CPN1: variants seen among roughly 807,000 people sequenced by gnomAD.
CPN1 encodes carboxypeptidase N catalytic chain.
In CPN1, 37 loss-of-function variants were observed where a neutral mutation model predicts 46.4. The observed-to-expected ratio is 0.80, with a 90% CI of 0.61 to 1.05. The LOEUF (loss-of-function observed/expected upper bound fraction) is 1.05, where lower values mean the gene tolerates loss of function less well. Among genes scored for constraint, CPN1 ranks in the 50% least tolerant of loss-of-function variants. CPN1 has a pLI of 0.00. For missense variants in CPN1, 563 were observed against 602.6 expected (o/e 0.93, Z 0.69); for synonymous variants, 224 against 235.4 (o/e 0.95, Z 0.44).
At chr10:100,055,351 C>CA (rs974514670) in intron 6 of CPN1, among the ~76,000 whole-genome samples, 1 of 147,290 alleles carries the variant, frequency 6.8e-6, no homozygotes, top group African/African-American at 2.5e-5. Flanking sequence ...CTCCATTATC[C>CA]CCCCCCCCAG....
Position 100,042,282 on chromosome 10 carries a change from C to T in CPN1, c.*145G>A. On this transcript the variant is annotated 3_prime_UTR_variant, in exon 9 of 9. Transcript: ENST00000370418. ...TCATGATGACCTAGAGATGGCTTAC[C>T]CCTGGAACAGATGGAGACCATTCTG... is the stretch of plus-strand genomic sequence containing the variant. 1 of 1,140,046 alleles carries T rather than the reference C, an allele frequency of 8.8e-7. No homozygotes were observed. The highest frequency in any genetic ancestry group is 2.4e-5 in the East Asian group (1 of 41,666). The allele number at this position is 1,140,046 out of a possible 1,614,324, so 70.6% of individuals were successfully genotyped here.
At chr10:100,062,870 G>A (rs2041429033) in intron 5 of CPN1, among the ~76,000 whole-genome samples, 3 of 151,728 alleles carry the variant, frequency 2.0e-5, no homozygotes, top group Admixed American at 2.0e-4. Flanking sequence ...CAAGGTGCTG[G>A]GATTATAGGC....
At chr10:100,067,171 A>G (rs1244190753) in intron 3 of CPN1, among the ~76,000 whole-genome samples, 1 of 152,102 alleles carries the variant, frequency 6.6e-6, no homozygotes, top group East Asian at 1.9e-4. Flanking sequence ...TGTCGCCCAG[A>G]CTAGAGTGCA....
intron 1 of CPN1, 82 bp from the exon 2 acceptor site, chr10:100,076,189 C>G: frequency 1.5e-6 from 2 of 1,343,020 alleles, no homozygotes; most frequent in Non-Finnish European, 2.1e-6. Context: ...TTCTCTTTTT[C>G]AGTAACGAAT....
intron 6 of CPN1, 108 bp from the exon 7 acceptor site, chr10:100,054,554 A>G: frequency 1.1e-6 from 1 of 881,878 alleles, no homozygotes; most frequent in South Asian, 1.4e-5. Flanking sequence ...TATCTTCACA[A>G]AGATGATGGT....
rs74152941 is a variant in CPN1 at position 100,050,630 on chromosome 10, T to C, written c.1112-1754A>G. On this transcript the variant is annotated intron_variant, in intron 7 of 8. Coordinates refer to ENST00000370418, the MANE Select transcript of CPN1 (RefSeq NM_001308.3). ...AGTAAAGATACGATTTTGAGAGTCC[T>C]ATCTCTTTTTTTGAGATAGGGTCTC... Among the ~76,000 whole-genome samples the C allele has an allele frequency of 9.1e-3, 1,381 of 152,240 alleles. 24 individuals carry two copies. The highest frequency in any genetic ancestry group is 0.032 in the African/African-American group (1,330 of 41,524).
chr10:100,073,664 G>A (rs1465509237), intron 2 of CPN1, among the ~76,000 whole-genome samples: 1 of 144,258 alleles, frequency 6.9e-6, no homozygotes, highest in East Asian at 2.0e-4. Flanking sequence ...TGCCCAGGCT[G>A]GAGTGCAATG....
chr10:100,081,238 G>A (rs1480474711), intron 1 of CPN1, among the ~76,000 whole-genome samples, 165 bp downstream of exon 1: 1 of 152,212 alleles, frequency 6.6e-6, no homozygotes, highest in Non-Finnish European at 1.5e-5. Flanking sequence ...GCTCCCCAGA[G>A]GCAGTGGCAG....
intron 3 of CPN1, among the ~76,000 whole-genome samples, chr10:100,067,277 T>C (rs1356204525): frequency 6.6e-6 from 1 of 152,058 alleles, no homozygotes; most frequent in Non-Finnish European, 1.5e-5. Flanking sequence ...CCACCACAGC[T>C]GGCTAATTTT....
At chr10:100,070,503 T>G (rs1248561002) in intron 2 of CPN1, among the ~76,000 whole-genome samples, 1 of 151,974 alleles carries the variant, frequency 6.6e-6, no homozygotes, top group Non-Finnish European at 1.5e-5. Flanking sequence ...CCAAACAAAG[T>G]GCTGAGATTA....
chr10:100,057,897 C>T (rs2041394449), intron 5 of CPN1, among the ~76,000 whole-genome samples: 1 of 152,144 alleles, frequency 6.6e-6, no homozygotes, highest in Admixed American at 6.5e-5. Context: ...GTTAGCTTTA[C>T]AGTGAACTCT....
At position 100,048,834 on chromosome 10, in the gene CPN1, T is replaced by TAG; in HGVS notation, c.1152_1153dup (p.Tyr385SerfsTer16). On this transcript the variant is annotated frameshift_variant, in exon 8 of 9. Transcript: ENST00000370418. LOFTEE classifies it high-confidence loss of function. ...CCCAGGTGCTGTGGCACTAACAGTGTAGATACCTGGAAGCAGCAGCCGGAA... is the reference window on the plus strand; with the variant it reads ...CCCAGGTGCTGTGGCACTAACAGTGTAGAGATACCTGGAAGCAGCAGCCGGAA... 1 of 1,613,990 alleles carries TAG rather than the reference T, an allele frequency of 6.2e-7. No homozygotes were observed. The highest frequency in any genetic ancestry group is 8.5e-7 in the Non-Finnish European group (1 of 1,179,876).
chr10:100,073,610 C>CT (rs748410671), intron 2 of CPN1, among the ~76,000 whole-genome samples: 4,741 of 122,398 alleles, frequency 0.039, 303 homozygotes, highest in African/African-American at 0.11. Context: ...GCTCTTCCAT[C>CT]TTTTTTTTTT....
intron 8 of CPN1, among the ~76,000 whole-genome samples, chr10:100,043,091 C>CAAAA (rs749971720): frequency 1.7e-5 from 1 of 57,608 alleles, no homozygotes; most frequent in Admixed American, 2.1e-4. Context: ...GACTCCATCT[C>CAAAA]AAAAAAAAAA....
chr10:100,045,707 A>G (rs775883202), intron 8 of CPN1, among the ~76,000 whole-genome samples: 2 of 152,218 alleles, frequency 1.3e-5, no homozygotes, highest in African/African-American at 4.8e-5. Context: ...CTAAGCCACA[A>G]ATGGGGATAC....
intron 6 of CPN1, among the ~76,000 whole-genome samples, chr10:100,055,355 C>T (rs1046878466): frequency 1.1e-4 from 17 of 151,652 alleles, no homozygotes; most frequent in East Asian, 1.9e-4. Context: ...ATTATCCCCC[C>T]CCCCAGCCCC....
chr10:100,053,296 G>T (rs2041366124), intron 7 of CPN1, among the ~76,000 whole-genome samples: 1 of 152,180 alleles, frequency 6.6e-6, no homozygotes, highest in Non-Finnish European at 1.5e-5. Context: ...TGGCTGCTTG[G>T]TAATAAATGT....
Position 100,056,946 on chromosome 10 carries a change from C to T in CPN1, c.1011+67G>A, listed in dbSNP as rs1304786101. On this transcript the variant is annotated intron_variant, in intron 6 of 8. Coordinates refer to ENST00000370418, the MANE Select transcript of CPN1 (RefSeq NM_001308.3). Reference sequence around the variant, plus strand: ...AAAAGTCAGACCTGAACCAGTGAAACACCTTGCCTGCCATTGAGAAGCACT... The same window carrying T: ...AAAAGTCAGACCTGAACCAGTGAAATACCTTGCCTGCCATTGAGAAGCACT... 6 of 1,605,630 alleles carry T rather than the reference C, an allele frequency of 3.7e-6. No homozygotes were observed. The Admixed American group carries it at 1.0e-4, about 27-fold the overall frequency.
chr10:100,057,499 T>A (rs1466173446), intron 5 of CPN1, among the ~76,000 whole-genome samples: 1 of 152,184 alleles, frequency 6.6e-6, no homozygotes, highest in African/African-American at 2.4e-5. Context: ...GTATCGTTAT[T>A]ATTTGTTTTA....
Sources: gnomAD v4.1 joint callset for allele counts (sites outside exome capture counted in the v4.1 genomes callset) on GRCh38, gnomAD v4.1.1 for gene constraint, MANE v1.5 for transcripts, NCBI Gene and HGNC (gene_info 2026-07-23, HGNC 2026-07-21) for gene names.